ZMAT1: variants seen among roughly 807,000 people sequenced by gnomAD.
ZMAT1 encodes zinc finger matrin-type protein 1.
Under a neutral mutation model 18.5 loss-of-function variants are expected in ZMAT1, and 11 were observed. That is an observed-to-expected ratio of 0.59 (90% confidence interval 0.37 to 0.98). The LOEUF is 0.98. ZMAT1 is among the 50% of genes least tolerant of loss of function. The pLI is 0.01. For synonymous variants in ZMAT1, 211 were observed against 176.4 expected (o/e 1.20, Z -1.55); for missense variants, 525 against 496.2 (o/e 1.06, Z -0.55).
intron 2 of ZMAT1, among the ~76,000 whole-genome samples, chrX:101,901,122 TG>T (rs1279815592): frequency 9.0e-6 from 1 of 111,185 alleles, no homozygotes; most frequent in Non-Finnish European, 1.9e-5. Flanking sequence ...TCGCTGTTGG[TG>T]TATAGAAGAG....
At chrX:101,929,644 T>A (rs1037164440) in intron 1 of ZMAT1, among the ~76,000 whole-genome samples, 14 of 109,850 alleles carry the variant, frequency 1.3e-4, no homozygotes, top group African/African-American at 3.3e-5. Context: ...AGAGAGAATT[T>A]TTAGGTTAAC....
At chrX:101,900,561 C>T (rs1156581928) in intron 2 of ZMAT1, among the ~76,000 whole-genome samples, 2 of 111,859 alleles carry the variant, frequency 1.8e-5, no homozygotes, top group African/African-American at 6.5e-5. Flanking sequence ...AATAGGGTGT[C>T]CTTTCCCCAA....
intron 1 of ZMAT1, among the ~76,000 whole-genome samples, chrX:101,929,440 TATA>T (rs1930315482): frequency 1.2e-5 from 1 of 83,383 alleles, no homozygotes; most frequent in Admixed American, 1.3e-4. Flanking sequence ...TATATATATA[TATA>T]TATATATATA....
chrX:101,903,194 G>A (rs1928370562), intron 2 of ZMAT1, among the ~76,000 whole-genome samples: 1 of 111,520 alleles, frequency 9.0e-6, no homozygotes, highest in African/African-American at 3.3e-5. Flanking sequence ...GGAGTCTAAA[G>A]ATGTGCTAGG....
intron 1 of ZMAT1, among the ~76,000 whole-genome samples, chrX:101,930,921 G>A (rs982366287): frequency 1.1e-4 from 12 of 112,195 alleles, no homozygotes; most frequent in Non-Finnish European, 2.1e-4. Flanking sequence ...GGAGTAATAT[G>A]TGTTGGTAGG....
At chrX:101,909,883 G>C (rs921722127) in intron 1 of ZMAT1, among the ~76,000 whole-genome samples, 13 of 112,459 alleles carry the variant, frequency 1.2e-4, no homozygotes, top group Admixed American at 1.1e-3. Flanking sequence ...GGCCTGGCTG[G>C]CTTTGCTACT....
At chrX:101,889,911 G>C (rs900660968) in intron 4 of ZMAT1, 2 of 111,962 alleles carry the variant, frequency 1.8e-5, no homozygotes, top group African/African-American at 3.2e-5. Flanking sequence ...AACTGCATGT[G>C]AATATCGGAT....
intron 4 of ZMAT1, chrX:101,887,513 G>A (rs1197174341): frequency 8.8e-6 from 1 of 113,191 alleles, no homozygotes; most frequent in Non-Finnish European, 1.8e-5. Context: ...AAATCATTCT[G>A]ACCCTAGGGA....
chrX:101,883,587 T>C lies in ZMAT1; in HGVS notation c.2011A>G (p.Arg671Gly). Reference protein sequence around the residue: ...VPSEKEERKHRKEKKKSVEER... With the variant: ...VPSEKEERKHGKEKKKSVEER... ...TCAACAGATTTCTTTTTCTCTTTCCTGTGCTTACGTTCTTCTTTCTCGGAG... is the reference window on the plus strand; with the variant it reads ...TCAACAGATTTCTTTTTCTCTTTCCCGTGCTTACGTTCTTCTTTCTCGGAG... The change falls in exon 6 of 6, where the codon AGG becomes GGG. Residue 671 changes from arginine to glycine, a missense_variant. Arg to Gly is a moderately radical substitution (Grantham distance 125). Transcript: ENST00000651725. 8.3e-7 allele frequency: 1 copy of C among 1,207,881 alleles called. No homozygotes were observed. Among genetic ancestry groups the C allele is most frequent in the East Asian group, 3.0e-5 (1 of 33,785 alleles).
rs746736611 is a variant in ZMAT1 at position 101,926,125 on chromosome X, C to T, written c.292+5592G>A. On this transcript the variant is annotated intron_variant, in intron 1 of 5. Coordinates refer to ENST00000651725, the MANE Select transcript of ZMAT1 (RefSeq NM_001394560.1). ...TGGTCTATCAAAAAATTCTAGTAGT[C>T]TGGGAAGAGACAATAGTAATAGAGG... Among the ~76,000 whole-genome samples the T allele has an allele frequency of 2.2e-3, 241 of 111,807 alleles. 1 individual carries two copies. Among genetic ancestry groups the T allele is most frequent in the African/African-American group, 7.4e-3 (228 of 30,813 alleles).
chrX:101,902,691 T>C (rs989303953), intron 2 of ZMAT1, among the ~76,000 whole-genome samples: 5 of 111,762 alleles, frequency 4.5e-5, no homozygotes, highest in African/African-American at 1.6e-4. Flanking sequence ...CGAAAATCAA[T>C]ACCAGATGAA....
At position 101,904,209 on chromosome X, in the gene ZMAT1, T is replaced by G. The variant is rs191504399; in HGVS notation, c.399+15A>C. ...AAACCTGCTTTAGACCCTACTTCCA[T>G]TATTTTTAACCTACCTCATAATGTG... On this transcript the variant is annotated intron_variant, in intron 2 of 5. Coordinates refer to ENST00000651725, the MANE Select transcript of ZMAT1 (RefSeq NM_001394560.1). 1.2e-5 allele frequency: 14 copies of G among 1,159,215 alleles called. No individual in the cohort carries two copies. In the African/African-American group the frequency reaches 2.0e-4, roughly 16 times the overall value.
intron 2 of ZMAT1, among the ~76,000 whole-genome samples, chrX:101,901,599 C>A (rs1569434514): frequency 9.0e-6 from 1 of 111,667 alleles, no homozygotes; most frequent in African/African-American, 3.2e-5. Flanking sequence ...TAAAATTTTA[C>A]AGATATAATC....
chrX:101,921,724 G>A (rs1331401372), intron 1 of ZMAT1, among the ~76,000 whole-genome samples: 1 of 111,610 alleles, frequency 9.0e-6, no homozygotes, highest in Non-Finnish European at 1.9e-5. Context: ...CAAAATTTTG[G>A]TGGGGTACTT....
At position 101,931,901 on chromosome X, in the gene ZMAT1, C is replaced by CGCT; in HGVS notation, c.105_107dup (p.Ala44dup). On this transcript the variant is annotated inframe_insertion, in exon 1 of 6. Transcript: ENST00000651725. Reference sequence around the variant, plus strand: ...CTGCCGCCGCCGCCGCCGCCGCCGCCGCTGCCGCGCAGGCGGTGTAGGAGG... The same window carrying CGCT: ...CTGCCGCCGCCGCCGCCGCCGCCGCCGCTGCTGCCGCGCAGGCGGTGTAGGAGG... The CGCT allele has an allele frequency of 6.3e-6, 5 of 797,436 alleles. No homozygotes were observed. The highest frequency in any genetic ancestry group is 4.8e-5 in the South Asian group (1 of 20,829). The allele number at this position is 797,436 out of a possible 1,213,427, so 65.7% of individuals were successfully genotyped here.
chrX:101,927,821 A>T (rs963388407), intron 1 of ZMAT1, among the ~76,000 whole-genome samples: 1 of 112,253 alleles, frequency 8.9e-6, no homozygotes, highest in African/African-American at 3.2e-5. Flanking sequence ...AGAAAGAATC[A>T]AAGTTTTTAT....
intron 1 of ZMAT1, among the ~76,000 whole-genome samples, chrX:101,914,808 G>A (rs952108582): frequency 9.0e-6 from 1 of 111,402 alleles, no homozygotes; most frequent in East Asian, 2.8e-4. Flanking sequence ...GAAAAACAGA[G>A]GAGGAAGCAA....
intron 1 of ZMAT1, among the ~76,000 whole-genome samples, chrX:101,906,593 C>T (rs866830924): frequency 8.9e-6 from 1 of 112,218 alleles, no homozygotes; most frequent in Non-Finnish European, 1.9e-5. Flanking sequence ...CCCACCCAGG[C>T]CAGTTCCAGT....
intron 1 of ZMAT1, among the ~76,000 whole-genome samples, chrX:101,921,546 T>C (rs1160370233): frequency 8.9e-6 from 1 of 112,137 alleles, no homozygotes; most frequent in African/African-American, 3.2e-5. Flanking sequence ...TTTAATACTG[T>C]AATAACAACA....
Sources: gnomAD v4.1 joint callset for allele counts (sites outside exome capture counted in the v4.1 genomes callset) on GRCh38, gnomAD v4.1.1 for gene constraint, MANE v1.5 for transcripts, NCBI Gene and HGNC (gene_info 2026-07-23, HGNC 2026-07-21) for gene names.